The following STAG3 variants were observed in gnomAD, a reference collection of about 807,000 sequenced individuals.
STAG3 encodes cohesin subunit SA-3.
STAG3 carries 101 observed loss-of-function variants against 160.7 expected under a neutral mutation model. The ratio of observed to expected loss-of-function variants is 0.63; its 90% CI spans 0.54 to 0.74. STAG3 has a LOEUF of 0.74. Among genes scored for constraint, STAG3 ranks in the 30% least tolerant of loss-of-function variants. The pLI, the probability that STAG3 is intolerant of heterozygous loss-of-function variation, is 0.00. For missense variants in STAG3, 1,188 were observed against 1,517.4 expected (o/e 0.78, Z 3.61); for synonymous variants, 519 against 585.0 (o/e 0.89, Z 1.63).
intron 32 of STAG3, chr7:100,213,349 C>G (rs1454943257): frequency 2.0e-6 from 2 of 985,198 alleles, no homozygotes; most frequent in Non-Finnish European, 2.4e-6. Flanking sequence ...CTTCTGTTCT[C>G]TTCTCTGCAG....
downstream of STAG3, among the ~76,000 whole-genome samples, chr7:100,217,180 G>C (rs1444436867): frequency 3.9e-5 from 6 of 152,258 alleles, no homozygotes; most frequent in Non-Finnish European, 7.3e-5. Flanking sequence ...TAAAAGGTTA[G>C]AATGTTTCTT....
intron 21 of STAG3, 165 bp downstream of exon 21, chr7:100,201,516 G>GA (rs1422550730): frequency 7.7e-6 from 5 of 653,084 alleles, no homozygotes; most frequent in Non-Finnish European, 1.3e-5. Flanking sequence ...TTAGAAGGTG[G>GA]ACTCTACTTC....
At position 100,199,700 on chromosome 7, in the gene STAG3, G is replaced by T. The variant is rs1051623243; in HGVS notation, c.1677+56G>T. The T allele has an allele frequency of 2.3e-6, 3 of 1,328,374 alleles. No individual in the cohort carries two copies. In the African/African-American group the frequency reaches 4.4e-5, roughly 19 times the overall value. The allele number at this position is 1,328,374 out of a possible 1,614,324, so 82.3% of individuals were successfully genotyped here. A position where few individuals can be genotyped will look rare whatever the true frequency, so the allele number is the denominator to read the frequency against. ...GCAATACTCAGTCTTGACAGGCAATGTGCATCCTTATCCCCCAGGCTGGGG... is the reference window on the plus strand; with the variant it reads ...GCAATACTCAGTCTTGACAGGCAATTTGCATCCTTATCCCCCAGGCTGGGG... On this transcript the variant is annotated intron_variant, in intron 16 of 33. Coordinates refer to ENST00000615138, the MANE Select transcript of STAG3 (RefSeq NM_001282717.2).
intron 5 of STAG3, among the ~76,000 whole-genome samples, chr7:100,188,040 C>A (rs1436577501): frequency 2.0e-5 from 3 of 152,160 alleles, no homozygotes; most frequent in Non-Finnish European, 2.9e-5. Flanking sequence ...ACAGGCATGA[C>A]CGACTGCACC....
At position 100,207,883 on chromosome 7, in the gene STAG3, G is replaced by A. The variant is rs1480307647; in HGVS notation, c.3238+2499G>A. ...TGTAATCCCAGCACTTTGGGAGGCCGAGGCGGGCGGATCACGAGGTCAGGA... is the reference window on the plus strand; with the variant it reads ...TGTAATCCCAGCACTTTGGGAGGCCAAGGCGGGCGGATCACGAGGTCAGGA... On this transcript the variant is annotated intron_variant, in intron 29 of 33. Coordinates refer to ENST00000615138, the MANE Select transcript of STAG3 (RefSeq NM_001282717.2). The surrounding 1 kb of genome is among the most constrained non-coding windows in gnomAD (Gnocchi z 4.0). 2.6e-5 allele frequency among the ~76,000 whole-genome samples: 4 copies of A among 152,148 alleles called. No individual in the cohort carries two copies. The highest frequency in any genetic ancestry group is 4.4e-5 in the Non-Finnish European group (3 of 68,032).
In STAG3 at chr7:100,188,526, T is replaced by A; in HGVS notation, c.507T>A (p.Asn169Lys). Residue 169 changes from asparagine to lysine, a missense_variant, in exon 6 of 34, where the codon AAT becomes AAA. Transcript: ENST00000615138. ...EIIQHLTEQF[N>K]EDSGDYPLIA... The stretch of plus-strand genomic sequence containing the variant: ...TCCAGCACCTAACAGAGCAGTTTAA[T>A]GAGGTGGAAGAAGATGACCAGGATC... The A allele has an allele frequency of 6.2e-7, 1 of 1,611,198 alleles. No individual in the cohort carries two copies. Among genetic ancestry groups the A allele is most frequent in the Non-Finnish European group, 8.5e-7 (1 of 1,177,272 alleles).
intron 25 of STAG3, among the ~76,000 whole-genome samples, chr7:100,203,803 T>C (rs1801377027): frequency 6.6e-6 from 1 of 152,210 alleles, no homozygotes; most frequent in African/African-American, 2.4e-5. Context: ...TGTGAGCCAC[T>C]GCACCCGGCC....
rs766941746 is a variant in STAG3 at position 100,198,460 on chromosome 7, C to T, written c.1245-15C>T. On this transcript the variant is annotated splice_polypyrimidine_tract_variant and intron_variant, in intron 12 of 33. Transcript: ENST00000615138. ...TGTCCCTATTCACATACTCTTTCTG[C>T]TTTTCTGTGGGCAGGAACATGGAAG... The T allele has an allele frequency of 3.1e-6, 5 of 1,613,914 alleles. No homozygotes were observed. In the South Asian group the frequency reaches 5.5e-5, roughly 18 times the overall value.
intron 3 of STAG3, 79 bp downstream of exon 3, chr7:100,182,271 A>G (rs1799693781): frequency 9.5e-7 from 1 of 1,052,650 alleles, no homozygotes; most frequent in Admixed American, 2.0e-5. Flanking sequence ...AGGCAGGAGA[A>G]TGGCGTGAAC....
intron 32 of STAG3, chr7:100,212,325 G>C (rs1477828631): frequency 6.4e-6 from 1 of 156,782 alleles, no homozygotes; most frequent in Non-Finnish European, 1.4e-5. Context: ...GTTTCCCCAG[G>C]AGGAACTGCT....
At chr7:100,182,904 C>T (rs1799742123) in intron 4 of STAG3, 65 bp downstream of exon 4, 1 of 1,574,992 alleles carries the variant, frequency 6.3e-7, no homozygotes, top group Non-Finnish European at 8.7e-7. Flanking sequence ...GGACAAGTGT[C>T]TACAAACTTG....
At chr7:100,182,676 C>T (rs1222834060) in intron 3 of STAG3, 47 bp from the exon 4 acceptor site, 3 of 1,601,522 alleles carry the variant, frequency 1.9e-6, no homozygotes, top group East Asian at 2.2e-5. Flanking sequence ...GTCACTGTTA[C>T]CTTTTTTGTT....
chr7:100,210,397 A>T (rs1802070904), intron 29 of STAG3, among the ~76,000 whole-genome samples: 1 of 152,128 alleles, frequency 6.6e-6, no homozygotes, highest in Non-Finnish European at 1.5e-5. Context: ...GAATCTTTGG[A>T]TTCTTTCTCC....
At chr7:100,184,642 A>G (rs547921726) in intron 4 of STAG3, among the ~76,000 whole-genome samples, 2 of 151,544 alleles carry the variant, frequency 1.3e-5, no homozygotes, top group South Asian at 4.2e-4. Flanking sequence ...TAATTTTTGT[A>G]TTTTTAGCAG....
At chr7:100,206,531 G>C (rs1801668309) in intron 29 of STAG3, among the ~76,000 whole-genome samples, 1 of 151,836 alleles carries the variant, frequency 6.6e-6, no homozygotes, top group Admixed American at 6.6e-5. Context: ...GAGTCCAGTG[G>C]CGTGATCTCG....
chr7:100,200,237 G>T lies in STAG3; in HGVS notation c.1679G>T (p.Gly560Val). ...ACCCCCAAGTGACTCTCATTCCAGG[G>T]CTTAACCTCTAAGGAGCGCAAGACC... ...PPVGRVTGRK[G>V]LTSKERKTQA... The change falls in exon 17 of 34, where the codon GGC becomes GTC. Residue 560 changes from glycine (G) to valine (V), a missense_variant and splice_region_variant. Gly to Val is a moderately radical substitution (Grantham distance 109). Coordinates refer to ENST00000615138, the MANE Select transcript of STAG3 (RefSeq NM_001282717.2). The T allele has an allele frequency of 1.2e-6, 2 of 1,610,878 alleles. No homozygotes were observed. Among genetic ancestry groups the T allele is most frequent in the Non-Finnish European group, 1.7e-6 (2 of 1,179,288 alleles).
chr7:100,204,636 GA>G lies in STAG3; in HGVS notation c.2814del (p.Glu938AspfsTer11). ...LLLSLKQLYTELLQEHGPQGL... is the reference protein window; with the variant it reads ...LLLSLKQLYTXLLQEHGPQGL... The stretch of plus-strand genomic sequence containing the variant: ...TGTCTCCTGGACACAGCTGTACACA[GA>G]ACTGCTGCAGGAGCATGGGCCCCAG... On this transcript the variant is annotated frameshift_variant, in exon 27 of 34. Coordinates refer to ENST00000615138, the MANE Select transcript of STAG3 (RefSeq NM_001282717.2). LOFTEE classifies it high-confidence loss of function. 6.2e-7 allele frequency: 1 copy of G among 1,614,106 alleles called. No individual in the cohort carries two copies. The highest frequency in any genetic ancestry group is 8.5e-7 in the Non-Finnish European group (1 of 1,180,012).
intron 20 of STAG3, 25 bp from the exon 21 acceptor site, chr7:100,201,239 T>C: frequency 6.2e-7 from 1 of 1,614,024 alleles, no homozygotes; most frequent in Non-Finnish European, 8.5e-7. Context: ...TTTTCCAGTA[T>C]AACATTCCCC....
At chr7:100,180,963 T>C in intron 2 of STAG3, 1 of 253,584 alleles carries the variant, frequency 3.9e-6, no homozygotes, top group Non-Finnish European at 7.6e-6. Flanking sequence ...TACTGCAACC[T>C]CCGCCTCCTG....
Sources: allele counts gnomAD v4.1 joint callset (sites outside exome capture counted in the v4.1 genomes callset), GRCh38; gene constraint gnomAD v4.1.1; non-coding constraint Gnocchi (gnomAD v3.1); transcripts MANE v1.5; gene names NCBI Gene and HGNC (gene_info 2026-07-23, HGNC 2026-07-21).